Variants in ERICH6B observed in about 807,000 individuals in gnomAD.
ERICH6B encodes glutamate-rich protein 6B.
In ERICH6B, 69 loss-of-function variants were observed where a neutral mutation model predicts 80.0. That is an observed-to-expected ratio of 0.86 (90% CI 0.71 to 1.05). The LOEUF (loss-of-function observed/expected upper bound fraction) is 1.05. Ranked by LOEUF, ERICH6B falls within the 50% of genes least tolerant of loss-of-function variation. The probability of loss-of-function intolerance (pLI) is 0.00; values close to 1 mark genes in which losing one functional copy is unlikely to be tolerated. For synonymous variants in ERICH6B, 283 were observed against 291.9 expected, an observed-to-expected ratio of 0.97 and a Z score of 0.31; for missense variants, 754 against 796.1, an observed-to-expected ratio of 0.95 and a Z score of 0.64.
intron 2 of ERICH6B, among the ~76,000 whole-genome samples, chr13:45,601,358 C>T (rs938218214): frequency 6.6e-6 from 1 of 152,134 alleles, no homozygotes; most frequent in Admixed American, 6.5e-5. Flanking sequence ...TCAAGACGAG[C>T]CTTGGGAACA....
At chr13:45,549,472 C>T (rs756295772) in intron 13 of ERICH6B, among the ~76,000 whole-genome samples, 10 of 152,114 alleles carry the variant, frequency 6.6e-5, no homozygotes, top group East Asian at 1.9e-4. Context: ...GAACTAACTT[C>T]AGTTATAGTG....
At chr13:45,599,257 C>T (rs1949809722) in intron 2 of ERICH6B, among the ~76,000 whole-genome samples, 1 of 152,128 alleles carries the variant, frequency 6.6e-6, no homozygotes, top group Non-Finnish European at 1.5e-5. Flanking sequence ...GTAACCGGAT[C>T]TGCCTGGGGC....
chr13:45,554,671 G>C (rs918792771), intron 11 of ERICH6B, among the ~76,000 whole-genome samples: 4 of 152,238 alleles, frequency 2.6e-5, no homozygotes, highest in African/African-American at 9.6e-5. Context: ...ATGTCTAAGA[G>C]CCTGAAGCTC....
chr13:45,546,916 G>A (rs1874016134), intron 13 of ERICH6B, among the ~76,000 whole-genome samples: 1 of 152,188 alleles, frequency 6.6e-6, no homozygotes, highest in Non-Finnish European at 1.5e-5. Flanking sequence ...TGAACAAAGA[G>A]CAAACTTCTA....
intron 9 of ERICH6B, among the ~76,000 whole-genome samples, chr13:45,567,109 C>G (rs1403545867): frequency 1.3e-5 from 2 of 152,188 alleles, no homozygotes; most frequent in African/African-American, 4.8e-5. Context: ...GGCCTGTAGC[C>G]CCTTCGTTTT....
Position 45,551,280 on chromosome 13 carries a change from A to G in ERICH6B, c.1408-964T>C, listed in dbSNP as rs1874211828. On this transcript the variant is annotated intron_variant, in intron 11 of 14. Transcript: ENST00000298738. Reference sequence around the variant, plus strand: ...GTTTATTCCATTATTTCTTTGTTTTATAGTTTATCAATTTCTGCTTATATC... The same window carrying G: ...GTTTATTCCATTATTTCTTTGTTTTGTAGTTTATCAATTTCTGCTTATATC... Among the ~76,000 whole-genome samples the G allele has an allele frequency of 1.3e-5, 2 of 152,000 alleles. 1 individual carries two copies. Among genetic ancestry groups the G allele is most frequent in the Admixed American group, 1.3e-4 (2 of 15,254 alleles).
intron 14 of ERICH6B, among the ~76,000 whole-genome samples, chr13:45,543,796 T>G (rs907581002): frequency 6.6e-6 from 1 of 152,154 alleles, no homozygotes; most frequent in Non-Finnish European, 1.5e-5. Context: ...GGAGTGTGCC[T>G]TGAACTTCCA....
intron 13 of ERICH6B, among the ~76,000 whole-genome samples, chr13:45,547,327 T>TG (rs1874033200): frequency 6.6e-6 from 1 of 152,236 alleles, no homozygotes; most frequent in Non-Finnish European, 1.5e-5. Flanking sequence ...ACCTTTTAAA[T>TG]GGCTCCCATC....
intron 1 of ERICH6B, among the ~76,000 whole-genome samples, chr13:45,610,518 C>G (rs1036636052): frequency 6.6e-6 from 1 of 152,182 alleles, no homozygotes; most frequent in Non-Finnish European, 1.5e-5. Context: ...GTGCCATGGT[C>G]TCTGTGAATT....
chr13:45,552,328 G>A (rs971662006), intron 11 of ERICH6B, among the ~76,000 whole-genome samples: 1 of 152,058 alleles, frequency 6.6e-6, no homozygotes, highest in African/African-American at 2.4e-5. Flanking sequence ...TTGGTGGATT[G>A]TCAAGACCCG....
At chr13:45,608,948 C>T (rs375613908) in intron 1 of ERICH6B, among the ~76,000 whole-genome samples, 22 of 152,298 alleles carry the variant, frequency 1.4e-4, no homozygotes, top group African/African-American at 4.8e-4. Context: ...CCCATGATTC[C>T]TCTTTTTCAT....
intron 1 of ERICH6B, among the ~76,000 whole-genome samples, chr13:45,614,583 G>A (rs908269479): frequency 2.0e-5 from 3 of 152,216 alleles, no homozygotes; most frequent in Admixed American, 2.0e-4. Flanking sequence ...GGTGGGCTAA[G>A]ACAGCAAGCT....
chr13:45,607,820 C>T (rs528895143), intron 1 of ERICH6B, among the ~76,000 whole-genome samples: 16 of 152,128 alleles, frequency 1.1e-4, no homozygotes, highest in African/African-American at 1.9e-4. Flanking sequence ...CCCTTGCTTA[C>T]GGTGTGCCTC....
At chr13:45,542,352 C>T (rs929978607) in intron 14 of ERICH6B, among the ~76,000 whole-genome samples, 2 of 152,224 alleles carry the variant, frequency 1.3e-5, no homozygotes, top group Admixed American at 6.5e-5. Context: ...CTAGTGTCAC[C>T]CAGGAAGTGG....
At chr13:45,551,760 A>T (rs1161893344) in intron 11 of ERICH6B, among the ~76,000 whole-genome samples, 1 of 152,210 alleles carries the variant, frequency 6.6e-6, no homozygotes, top group East Asian at 1.9e-4. Context: ...GATTAATAAT[A>T]ATTATGAAAG....
chr13:45,615,318 G>C (rs998434896), intron 1 of ERICH6B, among the ~76,000 whole-genome samples: 1 of 152,176 alleles, frequency 6.6e-6, no homozygotes, highest in Non-Finnish European at 1.5e-5. Flanking sequence ...TCTATATTCA[G>C]GCTGTCAAGG....
chr13:45,543,809 G>A (rs1234637406), intron 14 of ERICH6B, among the ~76,000 whole-genome samples: 1 of 152,146 alleles, frequency 6.6e-6, no homozygotes, highest in Non-Finnish European at 1.5e-5. Flanking sequence ...AACTTCCAGG[G>A]GATCATCTGT....
rs111821430 is a variant in ERICH6B, at chr13:45,592,727, G to C, written c.638-2030C>G. Among the ~76,000 whole-genome samples, 455 of 152,290 alleles carry C rather than the reference G, an allele frequency of 3.0e-3. 1 individual carries two copies. The highest frequency in any genetic ancestry group is 5.2e-3 in the Non-Finnish European group (355 of 68,020). Reference sequence around the variant, plus strand: ...AAAACTAAAAGGGGGTCTCATTATGGGGTGGTTTCACTCTACAGCATGTTC... The same window carrying C: ...AAAACTAAAAGGGGGTCTCATTATGCGGTGGTTTCACTCTACAGCATGTTC... On this transcript the variant is annotated intron_variant, in intron 3 of 14. Coordinates refer to ENST00000298738, the MANE Select transcript of ERICH6B (RefSeq NM_182542.3).
In ERICH6B at chr13:45,569,578, C is replaced by T. The variant is rs143364265; in HGVS notation, c.1051-1127G>A. 3.2e-3 allele frequency among the ~76,000 whole-genome samples: 490 copies of T among 152,320 alleles called. 5 individuals are homozygous for T. The highest frequency in any genetic ancestry group is 0.011 in the African/African-American group (440 of 41,564). On this transcript the variant is annotated intron_variant, in intron 8 of 14. Transcript: ENST00000298738. ...CTGGCTTCTTAGGACAGCCAGGGAT[C>T]GGTCATGTTCCCTGTTCTTTGCTTA... is the stretch of plus-strand genomic sequence containing the variant.
Sources: gnomAD v4.1 joint callset for allele counts (sites outside exome capture counted in the v4.1 genomes callset) on GRCh38, gnomAD v4.1.1 for gene constraint, MANE v1.5 for transcripts, NCBI Gene and HGNC (gene_info 2026-07-23, HGNC 2026-07-21) for gene names.